Variants in C1QTNF7 observed in about 807,000 individuals in gnomAD.
C1QTNF7 encodes complement C1q tumor necrosis factor-related protein 7.
In C1QTNF7, 15 loss-of-function variants were observed where a neutral mutation model predicts 19.6. The ratio of observed to expected loss-of-function variants is 0.76; its 90% CI spans 0.51 to 1.18. The LOEUF is 1.18. Ranked by LOEUF, C1QTNF7 falls within the 50% of genes most tolerant of loss-of-function variation. The pLI, the probability that C1QTNF7 is intolerant of heterozygous loss-of-function variation, is 0.00. For synonymous variants in C1QTNF7, 142 were observed against 137.5 expected (o/e 1.03, Z -0.23); for missense variants, 324 against 359.7 (o/e 0.90, Z 0.80).
chr4:15,433,417 A>G (rs1387394010), intron 1 of C1QTNF7, among the ~76,000 whole-genome samples: 1 of 152,166 alleles, frequency 6.6e-6, no homozygotes, highest in Non-Finnish European at 1.5e-5. Flanking sequence ...GTATCACCAC[A>G]GCAAAAACAT....
intron 1 of C1QTNF7, among the ~76,000 whole-genome samples, chr4:15,371,186 G>A (rs1717709182): frequency 6.6e-6 from 1 of 152,234 alleles, no homozygotes; most frequent in African/African-American, 2.4e-5. Context: ...GCAGACAGCA[G>A]ATGCGACCCA....
intron 1 of C1QTNF7, among the ~76,000 whole-genome samples, chr4:15,417,293 C>G (rs1719636802): frequency 6.6e-6 from 1 of 152,172 alleles, no homozygotes; most frequent in African/African-American, 2.4e-5. Flanking sequence ...AGCAGAGAAC[C>G]CCATACTACT....
At chr4:15,376,147 C>T (rs1439614861) in intron 1 of C1QTNF7, among the ~76,000 whole-genome samples, 2 of 152,222 alleles carry the variant, frequency 1.3e-5, no homozygotes, top group Non-Finnish European at 1.5e-5. Context: ...ACACAATGTT[C>T]CCCTTCTTGT....
chr4:15,360,500 A>T (rs1435201540), intron 1 of C1QTNF7, among the ~76,000 whole-genome samples: 2 of 152,168 alleles, frequency 1.3e-5, no homozygotes, highest in Non-Finnish European at 2.9e-5. Flanking sequence ...AACGGAGCTT[A>T]TCTAACACAT....
chr4:15,405,090 A>G (rs1719143803), intron 1 of C1QTNF7, among the ~76,000 whole-genome samples: 1 of 152,158 alleles, frequency 6.6e-6, no homozygotes, highest in Non-Finnish European at 1.5e-5. Flanking sequence ...GGCTTAAACT[A>G]GTAAAAAATT....
chr4:15,409,989 C>T (rs1221307632), intron 1 of C1QTNF7, among the ~76,000 whole-genome samples: 1 of 152,144 alleles, frequency 6.6e-6, no homozygotes, highest in East Asian at 1.9e-4. Flanking sequence ...TTCTTTGTCT[C>T]ATAAAACCAA....
chr4:15,384,040 A>G (rs1718242672), intron 1 of C1QTNF7, among the ~76,000 whole-genome samples: 1 of 152,254 alleles, frequency 6.6e-6, no homozygotes, highest in Non-Finnish European at 1.5e-5. Flanking sequence ...TTGGTCTTGA[A>G]CAAGCATGGA....
chr4:15,344,669 A>C (rs898356866), intron 1 of C1QTNF7, among the ~76,000 whole-genome samples: 1 of 152,242 alleles, frequency 6.6e-6, no homozygotes, highest in African/African-American at 2.4e-5. Flanking sequence ...TTCGATCAGC[A>C]GGTTCCAAAC....
At chr4:15,378,325 T>G (rs1401422456) in intron 1 of C1QTNF7, among the ~76,000 whole-genome samples, 3 of 152,176 alleles carry the variant, frequency 2.0e-5, no homozygotes, top group African/African-American at 4.8e-5. Context: ...ACAGCTGGAG[T>G]AAATCTATGG....
chr4:15,422,045 A>G (rs991900739), intron 1 of C1QTNF7, among the ~76,000 whole-genome samples: 2 of 152,120 alleles, frequency 1.3e-5, no homozygotes, highest in African/African-American at 2.4e-5. Flanking sequence ...GACTGACTAC[A>G]AAGGGACATA....
chr4:15,404,645 T>G (rs1719128160), intron 1 of C1QTNF7, among the ~76,000 whole-genome samples: 1 of 152,210 alleles, frequency 6.6e-6, no homozygotes, highest in Non-Finnish European at 1.5e-5. Flanking sequence ...GTATATTCTC[T>G]GATCTTGGCT....
At chr4:15,345,963 T>C (rs2109281701) in intron 1 of C1QTNF7, among the ~76,000 whole-genome samples, 1 of 152,338 alleles carries the variant, frequency 6.6e-6, no homozygotes, top group East Asian at 1.9e-4. Flanking sequence ...CTTTAAAACC[T>C]GCACCCTTTC....
At position 15,366,104 on chromosome 4, in the gene C1QTNF7, A is replaced by G. The variant is rs543861481; in HGVS notation, c.13+25897A>G. On this transcript the variant is annotated intron_variant, in intron 1 of 2. Transcript: ENST00000295297. Reference sequence around the variant, plus strand: ...TGGGTTAACAGCTGGAGAGTTTCCTATGCAATCCTCAAAGGATGTAAGAGA... The same window carrying G: ...TGGGTTAACAGCTGGAGAGTTTCCTGTGCAATCCTCAAAGGATGTAAGAGA... 3.9e-5 allele frequency among the ~76,000 whole-genome samples: 6 copies of G among 152,312 alleles called. No individual in the cohort carries two copies. The East Asian group carries it at 1.2e-3, about 29-fold the overall frequency.
At chr4:15,437,546 T>C (rs961588) in intron 2 of C1QTNF7, among the ~76,000 whole-genome samples, 40,699 of 152,092 alleles carry the variant, frequency 0.27, 6,212 homozygotes, top group Middle Eastern at 0.35. Context: ...GTTCTAATAT[T>C]AAAGACATAT....
intron 1 of C1QTNF7, among the ~76,000 whole-genome samples, chr4:15,395,212 T>A (rs975642979): frequency 1.3e-5 from 2 of 152,138 alleles, no homozygotes; most frequent in African/African-American, 4.8e-5. Context: ...GTCTGATGGC[T>A]TTGGAGCATA....
At chr4:15,441,895 C>T (rs1368092452) in intron 2 of C1QTNF7, among the ~76,000 whole-genome samples, 1 of 152,006 alleles carries the variant, frequency 6.6e-6, no homozygotes, top group Non-Finnish European at 1.5e-5. Flanking sequence ...GTGGCAGGCG[C>T]CTATAATCCC....
intron 2 of C1QTNF7, among the ~76,000 whole-genome samples, chr4:15,436,847 A>G (rs551790116): frequency 3.3e-5 from 5 of 152,226 alleles, no homozygotes; most frequent in Admixed American, 6.5e-5. Flanking sequence ...AAAAAATTCT[A>G]TATAACTCCA....
chr4:15,361,025 A>G (rs1577234920), intron 1 of C1QTNF7: 1 of 152,312 alleles, frequency 6.6e-6, no homozygotes. Flanking sequence ...ATTATCTTCT[A>G]TGATAAGCTA....
chr4:15,348,144 G>A (rs1201276936), intron 1 of C1QTNF7, among the ~76,000 whole-genome samples: 1 of 152,136 alleles, frequency 6.6e-6, no homozygotes. Context: ...TGCTATGGGG[G>A]ATTTCCTCTC....
Sources: allele counts gnomAD v4.1 joint callset (sites outside exome capture counted in the v4.1 genomes callset), GRCh38; gene constraint gnomAD v4.1.1; transcripts MANE v1.5; gene names NCBI Gene and HGNC (gene_info 2026-07-23, HGNC 2026-07-21).